Variants in TNS1 observed in about 807,000 individuals in gnomAD.
TNS1 encodes the protein tensin 1, also known as tensin-1.
Under a neutral mutation model 168.6 loss-of-function variants are expected in TNS1, and 62 were observed. The ratio of observed to expected loss-of-function variants is 0.37; its 90% CI spans 0.30 to 0.45. The LOEUF (loss-of-function observed/expected upper bound fraction) is 0.45. Ranked by LOEUF, TNS1 falls within the 20% of genes least tolerant of loss-of-function variation. The pLI, the probability that TNS1 is intolerant of heterozygous loss-of-function variation, is 1.00. For missense variants in TNS1, 2,240 were observed against 2,339.4 expected, an observed-to-expected ratio of 0.96 and a Z score of 0.88; for synonymous variants, 934 against 933.2, an observed-to-expected ratio of 1.00 and a Z score of -0.02.
intron 3 of TNS1, 80 bp downstream of exon 3, chr2:217,978,685 C>G (rs1443415373): frequency 1.2e-5 from 8 of 673,110 alleles, no homozygotes; most frequent in Non-Finnish European, 2.2e-5. Flanking sequence ...CCCGCCCCGC[C>G]GGCGCCCCCG....
chr2:218,008,404 G>A (rs898795539), intron 1 of TNS1, among the ~76,000 whole-genome samples: 5 of 152,210 alleles, frequency 3.3e-5, no homozygotes, highest in Non-Finnish European at 5.9e-5. Context: ...ATGGGGAGGG[G>A]GTGTTGCTAA....
At chr2:218,022,836 G>C (rs1161403717) in intron 1 of TNS1, among the ~76,000 whole-genome samples, 2 of 152,062 alleles carry the variant, frequency 1.3e-5, no homozygotes, top group African/African-American at 4.8e-5. Context: ...TGTCAGGGGT[G>C]GGGAGAAAGC....
chr2:217,938,159 C>A (rs966557671), intron 3 of TNS1, among the ~76,000 whole-genome samples: 1 of 151,870 alleles, frequency 6.6e-6, no homozygotes, highest in Non-Finnish European at 1.5e-5. Context: ...ATTCTTTCTC[C>A]AAAAAAAAGC....
At chr2:218,006,237 G>A (rs1163162378), upstream of TNS1, among the ~76,000 whole-genome samples, 1 of 152,268 alleles carries the variant, frequency 6.6e-6, no homozygotes, top group Non-Finnish European at 1.5e-5. Context: ...AAGGAAGGGT[G>A]AGTGTGGTCA....
At chr2:217,833,489 G>A (rs1305723380) in intron 21 of TNS1, among the ~76,000 whole-genome samples, 1 of 152,270 alleles carries the variant, frequency 6.6e-6, no homozygotes, top group African/African-American at 2.4e-5. Context: ...AGGAGGGAGA[G>A]AAGAAGGCAA....
chr2:218,019,878 A>T (rs1396835708), intron 1 of TNS1, among the ~76,000 whole-genome samples: 1 of 151,952 alleles, frequency 6.6e-6, no homozygotes, highest in Admixed American at 6.6e-5. Context: ...TGGCCCCAAG[A>T]TCACACCTAA....
chr2:217,890,928 T>G, intron 12 of TNS1, 34 bp downstream of exon 12: 1 of 1,605,036 alleles, frequency 6.2e-7, no homozygotes, highest in Non-Finnish European at 8.5e-7. Flanking sequence ...AGTGCACACA[T>G]ACATGCAAGG....
chr2:217,822,580 A>C (rs1943035521), intron 22 of TNS1, among the ~76,000 whole-genome samples: 1 of 152,148 alleles, frequency 6.6e-6, no homozygotes, highest in Non-Finnish European at 1.5e-5. Flanking sequence ...CCCAGGCGGA[A>C]CTCAACATTC....
chr2:217,985,173 G>A (rs772855689), intron 2 of TNS1, among the ~76,000 whole-genome samples: 5 of 151,492 alleles, frequency 3.3e-5, no homozygotes, highest in African/African-American at 4.9e-5. Context: ...GAAGCCAAAA[G>A]ATTGGACACC....
intron 18 of TNS1, among the ~76,000 whole-genome samples, chr2:217,871,659 C>T (rs115079672): frequency 0.021 from 3,139 of 152,376 alleles, 32 homozygotes; most frequent in Middle Eastern, 0.061. Context: ...ACAGCCCCAC[C>T]CAGAGTGAGC....
intron 1 of TNS1, among the ~76,000 whole-genome samples, chr2:218,016,382 G>A (rs1378687575): frequency 6.6e-6 from 1 of 152,100 alleles, no homozygotes; most frequent in Non-Finnish European, 1.5e-5. Context: ...GGATTATCAG[G>A]TCCCCGCCCA....
Position 217,831,522 on chromosome 2 carries a change from C to T in TNS1, c.3306G>A (p.Lys1102=). ...TCAGGCCCAGAGCAGACAGGGGTGT[C>T]TTGGCCAGACCCGGGGGGGACCGCA... ...SGVRSPPGLA[K]TPLSALGLKP... is the part of the protein sequence containing the mutation. The change falls in exon 22 of 33, where the codon AAG becomes AAA. Residue 1102 remains lysine (K), a synonymous_variant. Coordinates refer to ENST00000682258, the MANE Select transcript of TNS1 (RefSeq NM_001387777.1). The T allele has an allele frequency of 6.4e-7, 1 of 1,554,904 alleles. No individual in the cohort carries two copies. Among genetic ancestry groups the T allele is most frequent in the Non-Finnish European group, 8.7e-7 (1 of 1,154,378 alleles).
intron 4 of TNS1, among the ~76,000 whole-genome samples, chr2:217,910,405 C>T (rs928481723): frequency 2.0e-5 from 3 of 152,054 alleles, no homozygotes; most frequent in African/African-American, 4.8e-5. Context: ...TGCATGCTGC[C>T]CGACCCTCCT....
intron 21 of TNS1, among the ~76,000 whole-genome samples, chr2:217,832,496 G>A (rs1402937557): frequency 6.6e-6 from 1 of 152,106 alleles, no homozygotes; most frequent in Non-Finnish European, 1.5e-5. Flanking sequence ...ACGACATTGG[G>A]AGCCTGCAGA....
intron 3 of TNS1, among the ~76,000 whole-genome samples, chr2:217,963,437 C>T (rs1957548177): frequency 1.3e-5 from 2 of 152,192 alleles, no homozygotes; most frequent in Admixed American, 1.3e-4. Flanking sequence ...CCATACCTAG[C>T]TCATCTAATC....
intron 4 of TNS1, among the ~76,000 whole-genome samples, chr2:217,914,536 G>A (rs541410084): frequency 2.0e-5 from 3 of 148,332 alleles, no homozygotes; most frequent in East Asian, 2.0e-4. Context: ...GTTTTGACAC[G>A]GAGTCTCGCT....
intron 1 of TNS1, among the ~76,000 whole-genome samples, chr2:217,992,241 C>T (rs1489584277): frequency 1.3e-5 from 2 of 152,288 alleles, no homozygotes; most frequent in African/African-American, 4.8e-5. Flanking sequence ...AAGACACAGA[C>T]ACCAGCAGCT....
chr2:217,960,785 C>T (rs569521489), intron 3 of TNS1, among the ~76,000 whole-genome samples: 2 of 152,278 alleles, frequency 1.3e-5, no homozygotes, highest in South Asian at 2.1e-4. Context: ...CTTAGGACAA[C>T]CCCAATTCCC....
intron 1 of TNS1, among the ~76,000 whole-genome samples, chr2:217,996,551 C>T (rs1272890777): frequency 2.6e-5 from 4 of 152,028 alleles, no homozygotes; most frequent in African/African-American, 7.2e-5. Flanking sequence ...TGTTGTTGGT[C>T]GCCCTGGGTG....
Sources: allele counts gnomAD v4.1 joint callset (sites outside exome capture counted in the v4.1 genomes callset), GRCh38; gene constraint gnomAD v4.1.1; transcripts MANE v1.5; gene names NCBI Gene and HGNC (gene_info 2026-07-23, HGNC 2026-07-21).